The following PROX1 variants were observed in gnomAD, a reference collection of about 807,000 sequenced individuals.
PROX1 encodes prospero homeobox protein 1.
Under a neutral mutation model 58.8 loss-of-function variants are expected in PROX1, and 7 were observed. That is an observed-to-expected ratio of 0.12 (90% confidence interval 0.07 to 0.22). The LOEUF (loss-of-function observed/expected upper bound fraction) is 0.22. Among genes scored for constraint, PROX1 ranks in the 10% least tolerant of loss-of-function variants. PROX1 has a pLI of 1.00. For synonymous variants in PROX1, 350 were observed against 358.3 expected, an observed-to-expected ratio of 0.98 and a Z score of 0.26; for missense variants, 675 against 927.8, an observed-to-expected ratio of 0.73 and a Z score of 3.54.
intron 4 of PROX1, among the ~76,000 whole-genome samples, chr1:214,022,884 G>A (rs1186025772): frequency 6.6e-6 from 1 of 152,174 alleles, no homozygotes; most frequent in Non-Finnish European, 1.5e-5. Context: ...ATGTTGCAAA[G>A]CTTTAAGCAG....
At chr1:214,018,110 T>C (rs1171938966) in intron 4 of PROX1, among the ~76,000 whole-genome samples, 1 of 152,186 alleles carries the variant, frequency 6.6e-6, no homozygotes, top group African/African-American at 2.4e-5. Flanking sequence ...TGAAACAAAT[T>C]CATTTAGCAA....
chr1:214,004,881 C>A (rs1000139489), intron 2 of PROX1, among the ~76,000 whole-genome samples: 3 of 152,316 alleles, frequency 2.0e-5, no homozygotes, highest in Middle Eastern at 3.4e-3. Flanking sequence ...GCCTACCGAC[C>A]TAAAGCAAGG....
chr1:213,994,869 T>C lies in PROX1; in HGVS notation c.-67-1600T>C, dbSNP rs1041387713. Among the ~76,000 whole-genome samples the C allele has an allele frequency of 2.9e-4, 43 of 149,154 alleles. 1 individual carries two copies. Among genetic ancestry groups the C allele is most frequent in the African/African-American group, 9.1e-4 (37 of 40,728 alleles). On this transcript the variant is annotated intron_variant, in intron 1 of 4. Coordinates refer to ENST00000366958, the MANE Select transcript of PROX1 (RefSeq NM_001270616.2). ...TCTTTTAAAATGTTTTATCTTTCTA[T>C]AGAAACCAGGAGCAAAGATTTCATG... is the stretch of plus-strand genomic sequence containing the variant.
intron 4 of PROX1, among the ~76,000 whole-genome samples, chr1:214,031,066 T>TGTGTGTGCGC (rs1231686198): frequency 0.01 from 970 of 95,086 alleles, 6 homozygotes; most frequent in Admixed American, 0.014. Context: ...TGTGTGTGTG[T>TGTGTGTGCGC]GCGCGCGCGC....
At chr1:213,990,056 A>C (rs556534889) in intron 1 of PROX1, among the ~76,000 whole-genome samples, 154 of 151,360 alleles carry the variant, frequency 1.0e-3, no homozygotes, top group African/African-American at 3.3e-3. Context: ...GAGGAAGCAC[A>C]GGGTGGCCTC....
At position 213,997,674 on chromosome 1, in the gene PROX1, C is replaced by T; in HGVS notation, c.1139C>T (p.Pro380Leu). The T allele has an allele frequency of 6.2e-7, 1 of 1,614,210 alleles. No homozygotes were observed. Among genetic ancestry groups the T allele is most frequent in the Non-Finnish European group, 8.5e-7 (1 of 1,180,036 alleles). ...VFSAKPSRQV[P>L]QVFPPLQIPQ... is the part of the protein sequence containing the mutation. ...TCGGCCAAGCCCTCCCGCCAGGTTC[C>T]TCAGGTCTTCCCACCTCTCCAGATC... Residue 380 changes from proline (P) to leucine (L), a missense_variant, in exon 2 of 5, where the codon CCT becomes CTT. By Grantham distance (98) the Pro-to-Leu change is moderately conservative (BLOSUM62 -3). Transcript: ENST00000366958. The surrounding 1 kb of genome is among the most constrained non-coding windows in gnomAD (Gnocchi z 7.1).
At position 214,037,285 on chromosome 1, in the gene PROX1, A is replaced by T. The variant is rs907105955; in HGVS notation, c.*1451A>T. ...CAGTAAGAATTCATTGTTCATCCTA[A>T]AACTGTTTTCCAGACCCTTCCTTCC... is the stretch of plus-strand genomic sequence containing the variant. On this transcript the variant is annotated 3_prime_UTR_variant, in exon 5 of 5. Transcript: ENST00000366958. 1 of 152,148 alleles carries T rather than the reference A, an allele frequency of 6.6e-6. No individual in the cohort carries two copies. Among genetic ancestry groups the T allele is most frequent in the Admixed American group, 6.5e-5 (1 of 15,272 alleles). 9.4% of individuals were successfully genotyped at this position (152,148 alleles called of 1,614,324 possible).
chr1:214,040,006 A>G lies in PROX1; in HGVS notation c.*4172A>G, dbSNP rs1480823662. On this transcript the variant is annotated 3_prime_UTR_variant, in exon 5 of 5. Transcript: ENST00000366958. ...TTGCCATGTATATTATAGCGTATTCATTGGTGTGAATAGTACAAATGTTTC... is the reference window on the plus strand; with the variant it reads ...TTGCCATGTATATTATAGCGTATTCGTTGGTGTGAATAGTACAAATGTTTC... 6.6e-6 allele frequency: 1 copy of G among 152,236 alleles called. No individual in the cohort carries two copies. The highest frequency in any genetic ancestry group is 1.5e-5 in the Non-Finnish European group (1 of 68,038). The allele number at this position is 152,236 out of a possible 1,614,324, so 9.4% of individuals were successfully genotyped here.
In PROX1 at chr1:213,997,431, T is replaced by C. The variant is rs768385136; in HGVS notation, c.896T>C (p.Met299Thr). ...TCTGTCGGAAGGTCAGATAATGAGA[T>C]GTGCGAGCTAGACCCAGGACAGTTT... ...QDSVGRSDNE[M>T]CELDPGQFID... Residue 299 changes from methionine to threonine, a missense_variant, in exon 2 of 5, where the codon ATG (methionine) becomes ACG (threonine). Met to Thr is a moderately conservative substitution (Grantham distance 81, BLOSUM62 -1). Transcript: ENST00000366958. This position sits in a 1 kb window ranked among gnomAD's most constrained non-coding sequence, Gnocchi z 7.1. 4 of 1,613,902 alleles carry C rather than the reference T, an allele frequency of 2.5e-6. No homozygotes were observed. Among genetic ancestry groups the C allele is most frequent in the Non-Finnish European group, 3.4e-6 (4 of 1,180,002 alleles).
intron 4 of PROX1, among the ~76,000 whole-genome samples, chr1:214,021,784 C>T (rs1664288191): frequency 6.6e-6 from 1 of 152,212 alleles, no homozygotes; most frequent in African/African-American, 2.4e-5. Context: ...TGATCAGACT[C>T]TTGGCAAATA....
Position 214,040,967 on chromosome 1 carries a change from G to T in PROX1, c.*5133G>T, listed in dbSNP as rs903107429. 23 of 151,788 alleles carry T rather than the reference G, an allele frequency of 1.5e-4. No homozygotes were observed. Among genetic ancestry groups the T allele is most frequent in the Admixed American group, 1.2e-3 (18 of 15,248 alleles). 9.4% of individuals were successfully genotyped at this position (151,788 alleles called of 1,614,324 possible). A position where few individuals can be genotyped will look rare whatever the true frequency, so the allele number is the denominator to read the frequency against. ...GTCCATATTAAAAAGAAAATAAAAA[G>T]GTGCAGTAGACAATTGATTTTAAAG... is the stretch of plus-strand genomic sequence containing the variant. On this transcript the variant is annotated 3_prime_UTR_variant, in exon 5 of 5. Transcript: ENST00000366958.
chr1:214,000,960 C>G (rs967633225), intron 2 of PROX1, among the ~76,000 whole-genome samples: 3 of 151,996 alleles, frequency 2.0e-5, no homozygotes, highest in Admixed American at 6.6e-5. Context: ...AGTTATTCCT[C>G]GAAAAGATCA....
At chr1:213,996,442 C>T (rs1209141741) in intron 1 of PROX1, 27 bp from the exon 2 acceptor site, 2 of 1,401,878 alleles carry the variant, frequency 1.4e-6, no homozygotes, top group East Asian at 2.3e-5. Flanking sequence ...GAAAATGATT[C>T]ATCAGTCCTT....
chr1:213,983,546 A>G (rs999292883), upstream of PROX1, among the ~76,000 whole-genome samples: 1 of 152,156 alleles, frequency 6.6e-6, no homozygotes, highest in Non-Finnish European at 1.5e-5. Context: ...CCCTCACCCC[A>G]TCTCACTCCC....
chr1:213,984,523 C>A (rs866622744), upstream of PROX1: 1 of 152,296 alleles, frequency 6.6e-6, no homozygotes, highest in East Asian at 1.9e-4. Context: ...AACGCTGCAG[C>A]TGCTACTTGC....
intron 1 of PROX1, among the ~76,000 whole-genome samples, chr1:213,991,078 T>C (rs1663018942): frequency 6.6e-6 from 1 of 152,304 alleles, no homozygotes; most frequent in Non-Finnish European, 1.5e-5. Context: ...TTTTTGTGTG[T>C]GTTGAGGGAG....
intron 4 of PROX1, among the ~76,000 whole-genome samples, chr1:214,022,163 G>A (rs1019467892): frequency 1.3e-5 from 2 of 152,208 alleles, no homozygotes; most frequent in Non-Finnish European, 2.9e-5. Flanking sequence ...TCTCCAGCCA[G>A]GCCCTGGGAT....
chr1:214,003,181 T>A (rs1417949607), intron 2 of PROX1, among the ~76,000 whole-genome samples: 1 of 152,248 alleles, frequency 6.6e-6, no homozygotes, highest in Non-Finnish European at 1.5e-5. Flanking sequence ...GGTAGCTCAG[T>A]GCCCATCTAA....
intron 1 of PROX1, among the ~76,000 whole-genome samples, chr1:213,991,474 T>C (rs573612989): frequency 4.6e-5 from 7 of 152,314 alleles, no homozygotes; most frequent in Non-Finnish European, 7.4e-5. Context: ...TTGAAGTTCT[T>C]TGGTAATTAA....
Sources: gnomAD v4.1 joint callset for allele counts (sites outside exome capture counted in the v4.1 genomes callset) on GRCh38, gnomAD v4.1.1 for gene constraint, Gnocchi (gnomAD v3.1) non-coding constraint, MANE v1.5 for transcripts, NCBI Gene and HGNC (gene_info 2026-07-23, HGNC 2026-07-21) for gene names.